SLC35F3: variants seen among roughly 807,000 people sequenced by gnomAD.
The protein encoded by SLC35F3 is putative thiamine transporter SLC35F3.
SLC35F3 carries 25 observed loss-of-function variants against 49.9 expected under a neutral mutation model. The ratio of observed to expected loss-of-function variants is 0.50; its 90% CI spans 0.37 to 0.70. The LOEUF (loss-of-function observed/expected upper bound fraction) is 0.70, where lower values mean the gene tolerates loss of function less well. Ranked by LOEUF, SLC35F3 falls within the 30% of genes least tolerant of loss-of-function variation. SLC35F3 has a pLI of 0.00. For missense variants in SLC35F3, 525 were observed against 639.8 expected (o/e 0.82, Z 1.94); for synonymous variants, 275 against 265.4 (o/e 1.04, Z -0.35).
Position 233,939,277 on chromosome 1 carries a change from C to T in SLC35F3, c.283+33519C>T, listed in dbSNP as rs148215438. Among the ~76,000 whole-genome samples, 7 of 152,152 alleles carry T rather than the reference C, an allele frequency of 4.6e-5. No individual in the cohort carries two copies. In the East Asian group the frequency reaches 1.2e-3, roughly 25 times the overall value. On this transcript the variant is annotated intron_variant, in intron 2 of 7. Transcript: ENST00000366618. ...GACCAGCCTGGGCAACAAAACAACACCCTGTCTGTGCAAAAAAAATTTAAA... is the reference window on the plus strand; with the variant it reads ...GACCAGCCTGGGCAACAAAACAACATCCTGTCTGTGCAAAAAAAATTTAAA...
chr1:234,291,967 C>T (rs894707461), intron 3 of SLC35F3, among the ~76,000 whole-genome samples: 12 of 152,142 alleles, frequency 7.9e-5, no homozygotes, highest in East Asian at 1.9e-4. Flanking sequence ...AGAGTGGCAG[C>T]GGCAGATCCC....
rs187122823 is a variant in SLC35F3, at chr1:233,948,770, A to T, written c.283+43012A>T. On this transcript the variant is annotated intron_variant, in intron 2 of 7. Transcript: ENST00000366618. Reference sequence around the variant, plus strand: ...ATATTCCCCTTCCTATGTCCATGTGATCTCATTGTTCAGTTCCCACCTATG... The same window carrying T: ...ATATTCCCCTTCCTATGTCCATGTGTTCTCATTGTTCAGTTCCCACCTATG... Among the ~76,000 whole-genome samples, 805 of 141,874 alleles carry T rather than the reference A, an allele frequency of 5.7e-3. 12 individuals are homozygous for T. The highest frequency in any genetic ancestry group is 0.02 in the African/African-American group (739 of 37,798). 93.1% of individuals were successfully genotyped at this position (141,874 alleles called of 152,430 possible). A position where few individuals can be genotyped will look rare whatever the true frequency, so the allele number is the denominator to read the frequency against.
intron 2 of SLC35F3, among the ~76,000 whole-genome samples, chr1:234,186,474 T>C (rs996818515): frequency 6.6e-6 from 1 of 152,014 alleles, no homozygotes; most frequent in Non-Finnish European, 1.5e-5. Context: ...GGAGACAAGC[T>C]GGGTGCCGTC....
At chr1:234,086,077 C>T (rs981422242) in intron 2 of SLC35F3, among the ~76,000 whole-genome samples, 1 of 152,178 alleles carries the variant, frequency 6.6e-6, no homozygotes, top group African/African-American at 2.4e-5. Context: ...ATCATACCAT[C>T]CTAACACAGT....
chr1:234,020,951 T>C (rs979706730), intron 2 of SLC35F3, among the ~76,000 whole-genome samples: 18 of 152,238 alleles, frequency 1.2e-4, no homozygotes, highest in African/African-American at 3.9e-4. Flanking sequence ...GCAAAATTGA[T>C]GTGGGGAATG....
chr1:233,975,022 C>T (rs1663058708), intron 2 of SLC35F3, among the ~76,000 whole-genome samples: 1 of 152,138 alleles, frequency 6.6e-6, no homozygotes, highest in African/African-American at 2.4e-5. Context: ...GGAAGGTGAG[C>T]GAGGCTGCAA....
intron 2 of SLC35F3, among the ~76,000 whole-genome samples, chr1:234,137,789 G>C (rs1264730742): frequency 6.6e-6 from 1 of 152,152 alleles, no homozygotes; most frequent in Non-Finnish European, 1.5e-5. Context: ...GGAGAGACAG[G>C]GTCTCCACTG....
At chr1:234,263,080 G>GA (rs531477730) in intron 3 of SLC35F3, among the ~76,000 whole-genome samples, 7 of 151,856 alleles carry the variant, frequency 4.6e-5, no homozygotes, top group East Asian at 1.9e-4. Context: ...GACTGCTGGT[G>GA]AAAAAAAAGG....
At chr1:234,289,417 T>G (rs1192142591) in intron 3 of SLC35F3, among the ~76,000 whole-genome samples, 1 of 152,192 alleles carries the variant, frequency 6.6e-6, no homozygotes, top group Non-Finnish European at 1.5e-5. Context: ...GGGGCTGGGT[T>G]AAGTCTGTAG....
intron 2 of SLC35F3, among the ~76,000 whole-genome samples, chr1:234,109,438 T>C (rs1267995960): frequency 6.6e-6 from 1 of 152,156 alleles, no homozygotes; most frequent in African/African-American, 2.4e-5. Context: ...CATAGGCAGC[T>C]CATCTCCTCA....
chr1:234,286,751 G>A (rs1418595832), intron 3 of SLC35F3, among the ~76,000 whole-genome samples: 1 of 152,224 alleles, frequency 6.6e-6, no homozygotes, highest in African/African-American at 2.4e-5. Context: ...GGAACAATAT[G>A]TAAAAGTTAT....
At chr1:234,256,925 G>A (rs76777261) in intron 3 of SLC35F3, among the ~76,000 whole-genome samples, 12,766 of 152,248 alleles carry the variant, frequency 0.084, 736 homozygotes, top group Non-Finnish European at 0.12. Context: ...CAGTGGCCAC[G>A]CTTCAGGCTG....
At chr1:234,308,428 C>T (rs1176284904) in intron 3 of SLC35F3, among the ~76,000 whole-genome samples, 2 of 152,092 alleles carry the variant, frequency 1.3e-5, no homozygotes, top group Non-Finnish European at 2.9e-5. Flanking sequence ...AATTTGTAAA[C>T]TTTCTTAAAA....
intron 2 of SLC35F3, among the ~76,000 whole-genome samples, chr1:234,166,548 G>A (rs1028449009): frequency 2.0e-5 from 3 of 152,182 alleles, no homozygotes; most frequent in Admixed American, 2.0e-4. Context: ...TGGAAGCCAA[G>A]CTGGGGCTTA....
intron 2 of SLC35F3, among the ~76,000 whole-genome samples, chr1:234,108,525 T>TTATATATAAAAGATA (rs1553305743): frequency 2.8e-5 from 2 of 71,894 alleles, no homozygotes; most frequent in South Asian, 5.4e-4. Flanking sequence ...TATATATTAT[T>TTATATATAAAAGATA]TATATATAAA....
In SLC35F3 at chr1:233,957,023, C is replaced by T. The variant is rs1662716666; in HGVS notation, c.283+51265C>T. Among the ~76,000 whole-genome samples, 1 of 152,200 alleles carries T rather than the reference C, an allele frequency of 6.6e-6. No individual in the cohort carries two copies. The highest frequency in any genetic ancestry group is 2.1e-4 in the South Asian group (1 of 4,826). On this transcript the variant is annotated intron_variant, in intron 2 of 7. Coordinates refer to ENST00000366618, the MANE Select transcript of SLC35F3 (RefSeq NM_173508.4). This position sits in a 1 kb window ranked among gnomAD's most constrained non-coding sequence, Gnocchi z 4.0. ...CTCTTCTGCTAGCCACAGGAGCTAACCAGGACTGGATCACAACTGCTCCCA... is the reference window on the plus strand; with the variant it reads ...CTCTTCTGCTAGCCACAGGAGCTAATCAGGACTGGATCACAACTGCTCCCA...
chr1:234,286,348 A>G (rs1316399695), intron 3 of SLC35F3, among the ~76,000 whole-genome samples: 1 of 152,228 alleles, frequency 6.6e-6, no homozygotes, highest in Non-Finnish European at 1.5e-5. Flanking sequence ...GAATAAATGT[A>G]AGGTATCCAC....
intron 3 of SLC35F3, among the ~76,000 whole-genome samples, chr1:234,270,320 T>C (rs1193863047): frequency 1.3e-5 from 2 of 152,200 alleles, no homozygotes; most frequent in African/African-American, 4.8e-5. Context: ...AAAATCATCC[T>C]GGCTTCAGAA....
chr1:233,927,482 T>G (rs1021367153), intron 2 of SLC35F3, among the ~76,000 whole-genome samples: 1 of 152,148 alleles, frequency 6.6e-6, no homozygotes, highest in Non-Finnish European at 1.5e-5. Flanking sequence ...GTAATACTCA[T>G]GTATGGGCAC....
Sources: gnomAD v4.1 joint callset for allele counts (sites outside exome capture counted in the v4.1 genomes callset) on GRCh38, gnomAD v4.1.1 for gene constraint, Gnocchi (gnomAD v3.1) non-coding constraint, MANE v1.5 for transcripts, NCBI Gene and HGNC (gene_info 2026-07-23, HGNC 2026-07-21) for gene names.